Variants in NRG2 observed in about 807,000 individuals in gnomAD.
NRG2 encodes the protein pro-neuregulin-2, membrane-bound isoform.
NRG2 carries 27 observed loss-of-function variants against 73.9 expected under a neutral mutation model. The ratio of observed to expected loss-of-function variants is 0.37; its 90% confidence interval spans 0.27 to 0.50. The LOEUF (loss-of-function observed/expected upper bound fraction) is 0.50. NRG2 is among the 20% of genes least tolerant of loss of function. The pLI, the probability that NRG2 is intolerant of heterozygous loss-of-function variation, is 0.96. For missense variants in NRG2, 1,126 were observed against 1,210.1 expected, an observed-to-expected ratio of 0.93 and a Z score of 1.03; for synonymous variants, 532 against 541.0, an observed-to-expected ratio of 0.98 and a Z score of 0.23.
chr5:139,863,776 A>G (rs949809579), intron 5 of NRG2, among the ~76,000 whole-genome samples: 8 of 152,172 alleles, frequency 5.3e-5, no homozygotes, highest in African/African-American at 1.4e-4. Flanking sequence ...GTTGGGCCAC[A>G]TGTCCTGCCC....
rs116613278 is a variant in NRG2, at chr5:139,913,199, T to C, written c.701-25688A>G. Among the ~76,000 whole-genome samples the C allele has an allele frequency of 3.4e-3, 513 of 152,288 alleles. 2 individuals are homozygous for C. The highest frequency in any genetic ancestry group is 5.7e-3 in the Non-Finnish European group (387 of 68,006). ...TTCTTAGGGCTGCAGGCAACAGCATTTAATCAGCACCCTGCTCATCATGCA... is the reference window on the plus strand; with the variant it reads ...TTCTTAGGGCTGCAGGCAACAGCATCTAATCAGCACCCTGCTCATCATGCA... On this transcript the variant is annotated intron_variant, in intron 1 of 9. Coordinates refer to ENST00000361474, the MANE Select transcript of NRG2 (RefSeq NM_004883.3).
At chr5:140,000,409 G>A (rs942258908) in intron 1 of NRG2, among the ~76,000 whole-genome samples, 1 of 152,236 alleles carries the variant, frequency 6.6e-6, no homozygotes, top group African/African-American at 2.4e-5. Context: ...ACCAGGCTTA[G>A]CACTCTAGCC....
chr5:139,847,743 T>C lies in NRG2; in HGVS notation c.*174A>G, dbSNP rs1761083958. The C allele has an allele frequency of 2.2e-6, 1 of 447,942 alleles. No homozygotes were observed. The highest frequency in any genetic ancestry group is 2.0e-5 in the African/African-American group (1 of 49,028). The allele number at this position is 447,942 out of a possible 1,614,324, so 27.7% of individuals were successfully genotyped here. ...TAAAAACGCCTTTGCCGTTAGCTAGTATTATAAGACAATTTTTGCTAAAAT... is the reference window on the plus strand; with the variant it reads ...TAAAAACGCCTTTGCCGTTAGCTAGCATTATAAGACAATTTTTGCTAAAAT... On this transcript the variant is annotated 3_prime_UTR_variant, in exon 10 of 10. Coordinates refer to ENST00000361474, the MANE Select transcript of NRG2 (RefSeq NM_004883.3).
chr5:139,899,849 T>G (rs1455187720), intron 1 of NRG2, among the ~76,000 whole-genome samples: 1 of 152,210 alleles, frequency 6.6e-6, no homozygotes, highest in Non-Finnish European at 1.5e-5. Context: ...TGTGCATGAC[T>G]GAGGCTGGGC....
chr5:139,912,122 G>C (rs1197547322), intron 1 of NRG2, among the ~76,000 whole-genome samples: 1 of 152,160 alleles, frequency 6.6e-6, no homozygotes, highest in African/African-American at 2.4e-5. Flanking sequence ...CATTCTGGGA[G>C]GTCAGGCTGC....
chr5:139,915,057 G>A lies in NRG2; in HGVS notation c.701-27546C>T, dbSNP rs1460258476. On this transcript the variant is annotated intron_variant, in intron 1 of 9. Transcript: ENST00000361474. The surrounding 1 kb of genome is among the most constrained non-coding windows in gnomAD (Gnocchi z 4.0). ...GCACTCCCATACATGGCCCCAGGGT[G>A]TGGCTCCAGTAATTCAAGGGGGAAG... 1.3e-5 allele frequency among the ~76,000 whole-genome samples: 2 copies of A among 152,206 alleles called. No homozygotes were observed. The highest frequency in any genetic ancestry group is 2.1e-4 in the South Asian group (1 of 4,826).
intron 1 of NRG2, among the ~76,000 whole-genome samples, chr5:139,973,475 C>T (rs1430095810): frequency 1.3e-5 from 2 of 152,126 alleles, no homozygotes; most frequent in Admixed American, 6.5e-5. Context: ...GATCCTCCCA[C>T]CTCAGCCTCC....
rs555382997 is a variant in NRG2, at chr5:139,915,692, A to T, written c.701-28181T>A. 2.6e-5 allele frequency among the ~76,000 whole-genome samples: 4 copies of T among 152,370 alleles called. No individual in the cohort carries two copies. In the East Asian group the frequency reaches 7.7e-4, roughly 29 times the overall value. On this transcript the variant is annotated intron_variant, in intron 1 of 9. Coordinates refer to ENST00000361474, the MANE Select transcript of NRG2 (RefSeq NM_004883.3). This position sits in a 1 kb window ranked among gnomAD's most constrained non-coding sequence, Gnocchi z 4.0. The stretch of plus-strand genomic sequence containing the variant: ...TGTCATTCAATTTACAAGTAGCAGA[A>T]CTGTATAGCTTAAAAGATTATGAAA...
chr5:139,939,131 T>C (rs1196398976), intron 1 of NRG2, among the ~76,000 whole-genome samples: 2 of 151,892 alleles, frequency 1.3e-5, no homozygotes, highest in Non-Finnish European at 2.9e-5. Flanking sequence ...CAGACCTAAA[T>C]GTAAAAGCTA....
At chr5:139,972,022 G>T (rs1283534706) in intron 1 of NRG2, among the ~76,000 whole-genome samples, 1 of 152,140 alleles carries the variant, frequency 6.6e-6, no homozygotes, top group Non-Finnish European at 1.5e-5. Flanking sequence ...TGATGTTCAG[G>T]TACCAGAATA....
intron 1 of NRG2, among the ~76,000 whole-genome samples, chr5:139,893,618 C>T (rs182660417): frequency 7.9e-4 from 120 of 152,296 alleles, no homozygotes; most frequent in Middle Eastern, 3.4e-3. Context: ...GCTCTTCCTT[C>T]CCCTAAGGTT....
chr5:140,034,160 C>T lies in NRG2; in HGVS notation c.700+8210G>A, dbSNP rs112681866. On this transcript the variant is annotated intron_variant, in intron 1 of 9. Transcript: ENST00000361474. ...TATTTTTAATACAGATAGGATTTAACCATGTTAGCCAGGATGGTCTCGATC... is the reference window on the plus strand; with the variant it reads ...TATTTTTAATACAGATAGGATTTAATCATGTTAGCCAGGATGGTCTCGATC... 8.9e-4 allele frequency among the ~76,000 whole-genome samples: 135 copies of T among 152,268 alleles called. 1 individual carries two copies. Among genetic ancestry groups the T allele is most frequent in the African/African-American group, 3.0e-3 (123 of 41,548 alleles).
rs115409843 is a variant in NRG2, at chr5:139,882,009, C to A, written c.873-1035G>T. 5.7e-3 allele frequency among the ~76,000 whole-genome samples: 866 copies of A among 152,320 alleles called. 10 individuals are homozygous for A. The highest frequency in any genetic ancestry group is 0.02 in the African/African-American group (820 of 41,566). ...ATGAGCTCTGGATAAAGCCTGGGATCCCAGGCTGGCCCCCAGGAGGAAGCA... is the reference window on the plus strand; with the variant it reads ...ATGAGCTCTGGATAAAGCCTGGGATACCAGGCTGGCCCCCAGGAGGAAGCA... On this transcript the variant is annotated intron_variant, in intron 2 of 9. Transcript: ENST00000361474.
intron 1 of NRG2, among the ~76,000 whole-genome samples, chr5:140,030,191 A>G (rs1452267080): frequency 2.0e-5 from 3 of 152,190 alleles, no homozygotes; most frequent in Non-Finnish European, 4.4e-5. Flanking sequence ...TTAACTTCAG[A>G]CATGAGAAAA....
At chr5:140,037,636 G>A (rs551600089) in intron 1 of NRG2, among the ~76,000 whole-genome samples, 44 of 152,278 alleles carry the variant, frequency 2.9e-4, no homozygotes, top group African/African-American at 8.9e-4. Flanking sequence ...TGGGCCGGGC[G>A]CGGTGGCTCA....
intron 1 of NRG2, among the ~76,000 whole-genome samples, chr5:139,957,553 G>C (rs1044482955): frequency 6.6e-6 from 1 of 152,118 alleles, no homozygotes; most frequent in African/African-American, 2.4e-5. Flanking sequence ...GGAGTCCAGT[G>C]TTCTTTCCAC....
rs544474512 is a variant in NRG2, at chr5:139,868,312, C to T, written c.1113-2687G>A. Among the ~76,000 whole-genome samples, 1 of 152,236 alleles carries T rather than the reference C, an allele frequency of 6.6e-6. No individual in the cohort carries two copies. The highest frequency in any genetic ancestry group is 2.1e-4 in the South Asian group (1 of 4,824). On this transcript the variant is annotated intron_variant, in intron 4 of 9. Transcript: ENST00000361474. The surrounding 1 kb of genome is among the most constrained non-coding windows in gnomAD (Gnocchi z 4.2). ...GAGCTGGGCCTATAGCCTCTCTAAC[C>T]TGCACCTAATACCAGGGTAAGAGAG...
chr5:139,886,295 T>A (rs1359361947), intron 2 of NRG2, among the ~76,000 whole-genome samples: 1 of 152,038 alleles, frequency 6.6e-6, no homozygotes, highest in Non-Finnish European at 1.5e-5. Flanking sequence ...GGTTCCAGAG[T>A]CTGAGGGCCA....
intron 1 of NRG2, among the ~76,000 whole-genome samples, chr5:139,985,998 G>A (rs985540924): frequency 3.3e-5 from 5 of 152,160 alleles, no homozygotes; most frequent in African/African-American, 1.2e-4. Flanking sequence ...AGGCCACTGG[G>A]AAGAGCTGCT....
Sources: allele counts gnomAD v4.1 joint callset (sites outside exome capture counted in the v4.1 genomes callset), GRCh38; gene constraint gnomAD v4.1.1; non-coding constraint Gnocchi (gnomAD v3.1); transcripts MANE v1.5; gene names NCBI Gene and HGNC (gene_info 2026-07-23, HGNC 2026-07-21).